The following ATXN3 variants were observed in gnomAD, a reference collection of about 807,000 sequenced individuals.
The protein encoded by ATXN3 is ataxin 3.
Under a neutral mutation model 58.2 loss-of-function variants are expected in ATXN3, and 28 were observed. The ratio of observed to expected loss-of-function variants is 0.48; its 90% CI spans 0.36 to 0.66. ATXN3 has a LOEUF of 0.66. Ranked by LOEUF, ATXN3 falls within the 30% of genes least tolerant of loss-of-function variation. The probability of loss-of-function intolerance (pLI) is 0.00; values close to 1 mark genes in which losing one functional copy is unlikely to be tolerated. For synonymous variants in ATXN3, 113 were observed against 138.5 expected (o/e 0.82, Z 1.29); for missense variants, 321 against 422.1 (o/e 0.76, Z 2.10).
At chr14:92,083,402 G>A in intron 6 of ATXN3, 144 bp from the exon 7 acceptor site, 1 of 842,148 alleles carries the variant, frequency 1.2e-6, no homozygotes, top group Non-Finnish European at 1.8e-6. Context: ...TCCAAATAAT[G>A]ATTCTTATAC....
rs533286136 is a variant in ATXN3 at position 92,068,837 on chromosome 14, G to A, written c.991+2098C>T. On this transcript the variant is annotated intron_variant, in intron 10 of 10. Coordinates refer to ENST00000644486, the MANE Select transcript of ATXN3 (RefSeq NM_004993.6). Reference sequence around the variant, plus strand: ...ACTCCCAACCTTAGGTGATCCACCCGCCTCAGCCTCCCAAAGTGCTGGGAT... The same window carrying A: ...ACTCCCAACCTTAGGTGATCCACCCACCTCAGCCTCCCAAAGTGCTGGGAT... 3.5e-4 allele frequency among the ~76,000 whole-genome samples: 54 copies of A among 152,130 alleles called. 2 individuals are homozygous for A. The South Asian group carries it at 5.4e-3, about 15-fold the overall frequency.
chr14:92,054,180 C>T (rs186208456), downstream of ATXN3, among the ~76,000 whole-genome samples: 3 of 152,240 alleles, frequency 2.0e-5, no homozygotes, highest in Non-Finnish European at 2.9e-5. Flanking sequence ...GTGATCCACC[C>T]GCCTCAACCT....
At chr14:92,070,723 G>A (rs1457856351) in intron 10 of ATXN3, 1 of 1,297,706 alleles carries the variant, frequency 7.7e-7, no homozygotes, top group African/African-American at 1.5e-5. Context: ...TGGGATTACA[G>A]ATGTGAGCCA....
upstream of ATXN3, among the ~76,000 whole-genome samples, chr14:92,052,614 G>C (rs757191010): frequency 6.6e-6 from 1 of 152,050 alleles, no homozygotes; most frequent in Non-Finnish European, 1.5e-5. Flanking sequence ...TTTTTACCTG[G>C]ATGCATGACA....
chr14:92,089,093 T>C lies in ATXN3; in HGVS notation c.388-276A>G, dbSNP rs2063197141. Among the ~76,000 whole-genome samples the C allele has an allele frequency of 2.0e-5, 3 of 151,786 alleles. No individual in the cohort carries two copies. The South Asian group carries it at 6.2e-4, about 32-fold the overall frequency. The stretch of plus-strand genomic sequence containing the variant: ...GTGCAGTGGCATGATCTCGGATCAC[T>C]GCAACCTCTGCCTCCCAGGTTCAAG... On this transcript the variant is annotated intron_variant, in intron 5 of 10. Coordinates refer to ENST00000644486, the MANE Select transcript of ATXN3 (RefSeq NM_004993.6).
chr14:92,047,883 G>A (rs2057434212), intron 2 of ATXN3: 1 of 152,154 alleles, frequency 6.6e-6, no homozygotes, highest in South Asian at 2.1e-4. Context: ...GATTAAACAG[G>A]GGATGGACCT....
chr14:92,081,444 G>T (rs530733613), intron 8 of ATXN3, among the ~76,000 whole-genome samples: 1 of 144,742 alleles, frequency 6.9e-6, no homozygotes, highest in East Asian at 2.0e-4. Context: ...CTCCAGGCTG[G>T]GCGACAGTGA....
intron 6 of ATXN3, among the ~76,000 whole-genome samples, chr14:92,083,764 T>C (rs1284852558): frequency 6.6e-6 from 1 of 152,216 alleles, no homozygotes; most frequent in Non-Finnish European, 1.5e-5. Flanking sequence ...TCTGGGTGTG[T>C]CTGCGAGGGT....
At chr14:92,069,564 G>A (rs1305706245) in intron 10 of ATXN3, among the ~76,000 whole-genome samples, 1 of 151,852 alleles carries the variant, frequency 6.6e-6, no homozygotes, top group East Asian at 1.9e-4. Context: ...GTAGAGACAG[G>A]GTTTTGCCAT....
In ATXN3 at chr14:92,071,035, T is replaced by TGC. The variant is rs760924707; in HGVS notation, c.890_891insGC (p.Gln298HisfsTer34). ...CCTGCTGCTGCTGCTGCTGCTGCTG[T>TGC]TGCTGCTTTTGCTGCTGTCTGAAAC... On this transcript the variant is annotated frameshift_variant, in exon 10 of 11. Coordinates refer to ENST00000644486, the MANE Select transcript of ATXN3 (RefSeq NM_004993.6). LOFTEE classifies it high-confidence loss of function. 2.9e-4 allele frequency: 160 copies of TGC among 558,454 alleles called. No homozygotes were observed. Among genetic ancestry groups the TGC allele is most frequent in the South Asian group, 8.3e-4 (39 of 46,860 alleles). The allele number at this position is 558,454 out of a possible 1,614,324, so 34.6% of individuals were successfully genotyped here.
chr14:92,057,228 C>T (rs542659096), downstream of ATXN3, among the ~76,000 whole-genome samples: 2 of 152,250 alleles, frequency 1.3e-5, no homozygotes, highest in East Asian at 3.9e-4. Flanking sequence ...CCTTCCTGGC[C>T]AACATGGTGA....
chr14:92,099,084 C>A (rs1039588495), intron 1 of ATXN3, among the ~76,000 whole-genome samples: 3 of 152,154 alleles, frequency 2.0e-5, no homozygotes, highest in Non-Finnish European at 4.4e-5. Flanking sequence ...CCAGGTTTGC[C>A]CCTCCCTGAA....
rs10151135 is a variant in ATXN3, at chr14:92,064,207, G to T, written c.*113C>A. ...TTTCCCATCATTTTGTTTGCAAACC[G>T]CTAAAAGTCTTATTTCCTCATCTCT... On this transcript the variant is annotated 3_prime_UTR_variant, in exon 11 of 11. Coordinates refer to ENST00000644486, the MANE Select transcript of ATXN3 (RefSeq NM_004993.6). 0.11 allele frequency: 73,909 copies of T among 655,490 alleles called. 4,807 individuals carry two copies. Among genetic ancestry groups the T allele is most frequent in the African/African-American group, 0.2 (11,000 of 53,814 alleles). The allele number at this position is 655,490 out of a possible 1,614,324, so 40.6% of individuals were successfully genotyped here. A position where few individuals can be genotyped will look rare whatever the true frequency, so the allele number is the denominator to read the frequency against.
intron 2 of ATXN3, among the ~76,000 whole-genome samples, chr14:92,047,153 G>T (rs1008459305): frequency 1.3e-5 from 2 of 152,196 alleles, no homozygotes; most frequent in Admixed American, 1.3e-4. Flanking sequence ...AGCAAAAGAG[G>T]CTGGGATGAG....
rs550573299 is a variant in ATXN3 at position 92,062,016 on chromosome 14, G to A, written c.*2304C>T. On this transcript the variant is annotated 3_prime_UTR_variant, in exon 11 of 11. Coordinates refer to ENST00000644486, the MANE Select transcript of ATXN3 (RefSeq NM_004993.6). The stretch of plus-strand genomic sequence containing the variant: ...CATGCCTGTAATCCCAACACTTTGG[G>A]AGGCCAAGGCAGGCGGATCACCTGA... 8.5e-5 allele frequency: 13 copies of A among 152,484 alleles called. No individual in the cohort carries two copies. The highest frequency in any genetic ancestry group is 3.1e-4 in the African/African-American group (13 of 41,588). 9.4% of individuals were successfully genotyped at this position (152,484 alleles called of 1,614,324 possible).
At chr14:92,067,001 T>C (rs1037171624) in intron 10 of ATXN3, among the ~76,000 whole-genome samples, 17 of 151,884 alleles carry the variant, frequency 1.1e-4, no homozygotes, top group African/African-American at 4.1e-4. Context: ...AACTCCTGAC[T>C]TCAGGTGATC....
chr14:92,092,145 C>T (rs530173230), intron 5 of ATXN3, among the ~76,000 whole-genome samples: 6 of 152,258 alleles, frequency 3.9e-5, no homozygotes, highest in Admixed American at 1.3e-4. Flanking sequence ...CCCAGGCAAC[C>T]GCTGGTCAAT....
At chr14:92,089,318 C>A (rs1180949132) in intron 5 of ATXN3, among the ~76,000 whole-genome samples, 2 of 144,570 alleles carry the variant, frequency 1.4e-5, no homozygotes, top group Non-Finnish European at 1.5e-5. Flanking sequence ...TGCACCTGGC[C>A]TCTGCTAAAT....
intron 9 of ATXN3, among the ~76,000 whole-genome samples, chr14:92,075,616 C>T (rs906989502): frequency 1.3e-5 from 2 of 152,016 alleles, no homozygotes; most frequent in African/African-American, 4.8e-5. Flanking sequence ...ACTAGAAAAT[C>T]GTATGAATAA....
Sources: allele counts gnomAD v4.1 joint callset (sites outside exome capture counted in the v4.1 genomes callset), GRCh38; gene constraint gnomAD v4.1.1; transcripts MANE v1.5; gene names NCBI Gene and HGNC (gene_info 2026-07-23, HGNC 2026-07-21).